PCBP2: variants seen among roughly 807,000 people sequenced by gnomAD.
PCBP2 encodes poly(rC)-binding protein 2.
PCBP2 carries 4 observed loss-of-function variants against 50.1 expected under a neutral mutation model. That is an observed-to-expected ratio of 0.08 (90% CI 0.04 to 0.18). The LOEUF (loss-of-function observed/expected upper bound fraction) is 0.18. Among genes scored for constraint, PCBP2 ranks in the 10% least tolerant of loss-of-function variants. The pLI is 1.00. For missense variants in PCBP2, 161 were observed against 474.3 expected, an observed-to-expected ratio of 0.34 and a Z score of 6.14; for synonymous variants, 179 against 168.0, an observed-to-expected ratio of 1.07 and a Z score of -0.51.
At position 53,452,131 on chromosome 12, in the gene PCBP2, A is replaced by G. The variant is rs1046169270; in HGVS notation, c.-321A>G. ...GACCAGCAGAGGCAGCAGCCGGAGC[A>G]GCCGCAGCCTGCGCCCTCTCCCGCC... On this transcript the variant is annotated 5_prime_UTR_variant, in exon 1 of 15. Coordinates refer to ENST00000546463, the MANE Select transcript of PCBP2 (RefSeq NM_031989.5). 4 of 140,860 alleles carry G rather than the reference A, an allele frequency of 2.8e-5. No individual in the cohort carries two copies. Among genetic ancestry groups the G allele is most frequent in the African/African-American group, 1.1e-4 (4 of 37,054 alleles). The allele number at this position is 140,860 out of a possible 1,614,324, so 8.7% of individuals were successfully genotyped here.
rs377615867 is a variant in PCBP2, at chr12:53,479,402, A to T, written c.1053-4A>T. The T allele has an allele frequency of 6.1e-5, 98 of 1,613,850 alleles. No individual in the cohort carries two copies. Among genetic ancestry groups the T allele is most frequent in the Non-Finnish European group, 7.3e-5 (86 of 1,179,818 alleles). On this transcript the variant is annotated splice_polypyrimidine_tract_variant and splice_region_variant and intron_variant, in intron 14 of 14. Transcript: ENST00000546463. ...CTAACTGAGTTCTTGTTTCTGTGTTACAGGCTTTCCTCGGAGACGGGTGGC... is the reference window on the plus strand; with the variant it reads ...CTAACTGAGTTCTTGTTTCTGTGTTTCAGGCTTTCCTCGGAGACGGGTGGC...
intron 10 of PCBP2, among the ~76,000 whole-genome samples, chr12:53,466,701 A>G (rs1405929086): frequency 6.6e-6 from 1 of 152,134 alleles, no homozygotes; most frequent in Non-Finnish European, 1.5e-5. Context: ...ATATAGATGA[A>G]TAAAAATAGC....
chr12:53,459,755 A>G (rs1300783567), intron 6 of PCBP2: 2 of 312,564 alleles, frequency 6.4e-6, no homozygotes, highest in Admixed American at 4.2e-5. Flanking sequence ...TTTAATTTTT[A>G]ACTTTTTTTC....
intron 7 of PCBP2, 105 bp downstream of exon 7, chr12:53,461,248 TC>T: frequency 7.7e-7 from 1 of 1,298,250 alleles, no homozygotes; most frequent in Non-Finnish European, 1.1e-6. Flanking sequence ...TGTTAAGGCT[TC>T]CAGTGGGGGT....
intron 6 of PCBP2, 77 bp from the exon 7 acceptor site, chr12:53,460,938 C>A: frequency 6.7e-7 from 1 of 1,499,860 alleles, no homozygotes; most frequent in Non-Finnish European, 9.2e-7. Context: ...GAGTTTTAGG[C>A]TCTGAAATTG....
At chr12:53,463,301 C>G (rs1941581361) in intron 8 of PCBP2, among the ~76,000 whole-genome samples, 1 of 152,122 alleles carries the variant, frequency 6.6e-6, no homozygotes, top group African/African-American at 2.4e-5. Context: ...ATGACAGAAG[C>G]ATTGAAGGAC....
At chr12:53,459,490 A>G (rs914308242) in intron 6 of PCBP2, 87 bp downstream of exon 6, 18 of 1,236,596 alleles carry the variant, frequency 1.5e-5, no homozygotes, top group East Asian at 2.5e-5. Flanking sequence ...TAGCAATGAG[A>G]TGAAGATTTT....
At chr12:53,466,667 A>G (rs773778546) in intron 10 of PCBP2, among the ~76,000 whole-genome samples, 3 of 152,188 alleles carry the variant, frequency 2.0e-5, no homozygotes, top group Non-Finnish European at 4.4e-5. Flanking sequence ...AAGAAGGATT[A>G]TTTTATGACA....
At position 53,454,970 on chromosome 12, in the gene PCBP2, C is replaced by T. The variant is rs758578333; in HGVS notation, c.69+101C>T. On this transcript the variant is annotated intron_variant, in intron 2 of 14. Coordinates refer to ENST00000546463, the MANE Select transcript of PCBP2 (RefSeq NM_031989.5). Reference sequence around the variant, plus strand: ...AGCTCATCAGATTAGCACTGTGGGGCATCTGGCTTTAGCACATTTCCCTAA... The same window carrying T: ...AGCTCATCAGATTAGCACTGTGGGGTATCTGGCTTTAGCACATTTCCCTAA... 128 of 986,526 alleles carry T rather than the reference C, an allele frequency of 1.3e-4. 1 individual carries two copies. Among genetic ancestry groups the T allele is most frequent in the Admixed American group, 8.4e-4 (46 of 55,000 alleles). 61.1% of individuals were successfully genotyped at this position (986,526 alleles called of 1,614,324 possible). A position where few individuals can be genotyped will look rare whatever the true frequency, so the allele number is the denominator to read the frequency against.
At chr12:53,456,929 T>A (rs1941062004) in intron 5 of PCBP2, among the ~76,000 whole-genome samples, 1 of 137,168 alleles carries the variant, frequency 7.3e-6, no homozygotes, top group South Asian at 2.5e-4. Context: ...TTTGCCAAGA[T>A]TAGAAATGTT....
rs61213286 is a variant in PCBP2, at chr12:53,477,665, C to CAAAAA, written c.1053-1716_1053-1712dup. Among the ~76,000 whole-genome samples the CAAAAA allele has an allele frequency of 1.0e-3, 53 of 52,872 alleles. 5 individuals carry two copies. The highest frequency in any genetic ancestry group is 1.7e-3 in the African/African-American group (19 of 11,460). The allele number at this position is 52,872 out of a possible 152,430, so 34.7% of individuals were successfully genotyped here. On this transcript the variant is annotated intron_variant, in intron 14 of 14. Transcript: ENST00000546463. ...TGGGTGACAAAGCAAGACTCTGTCT[C>CAAAAA]AAAAAAAAAAAAAAAAAAAAAAAAA... is the stretch of plus-strand genomic sequence containing the variant.
In PCBP2 at chr12:53,463,847, G is replaced by A. The variant is rs1941620913; in HGVS notation, c.580-913G>A. 2.0e-5 allele frequency among the ~76,000 whole-genome samples: 3 copies of A among 152,174 alleles called. No individual in the cohort carries two copies. In the South Asian group the frequency reaches 6.2e-4, roughly 31 times the overall value. On this transcript the variant is annotated intron_variant, in intron 8 of 14. Transcript: ENST00000546463. ...TCCATCTTACCTGCGTTTGATCTGG[G>A]AGCCATTTAGAGGGCAAGCATAAAC...
rs1179635775 is a variant in PCBP2 at position 53,471,805 on chromosome 12, C to T, written c.1050C>T (p.Val350=). The T allele has an allele frequency of 6.2e-7, 1 of 1,611,088 alleles. No homozygotes were observed. The highest frequency in any genetic ancestry group is 8.5e-7 in the Non-Finnish European group (1 of 1,179,102). The change falls in exon 14 of 15, where the codon GTC becomes GTT. Residue 350 remains valine, a splice_region_variant and synonymous_variant. Transcript: ENST00000546463. ...SISLAQYLIN[V]RLSSETGGMG... ...GCCTGGCTCAATATCTAATCAATGT[C>T]AGGTAAGATTGCTCTACCTTTTGTC...
intron 5 of PCBP2, among the ~76,000 whole-genome samples, chr12:53,458,453 G>A (rs1022229192): frequency 2.2e-4 from 34 of 151,182 alleles, no homozygotes; most frequent in Admixed American, 4.6e-4. Flanking sequence ...GACTACAGGC[G>A]CATGCCACCA....
At chr12:53,477,490 C>A (rs968516260) in intron 14 of PCBP2, among the ~76,000 whole-genome samples, 4 of 151,482 alleles carry the variant, frequency 2.6e-5, no homozygotes, top group African/African-American at 9.7e-5. Flanking sequence ...ACAGTGAAAC[C>A]CCGACTCTAC....
Position 53,455,498 on chromosome 12 carries a change from G to A in PCBP2, c.126+5G>A. 1 of 1,613,900 alleles carries A rather than the reference G, an allele frequency of 6.2e-7. No homozygotes were observed. Among genetic ancestry groups the A allele is most frequent in the Non-Finnish European group, 8.5e-7 (1 of 1,179,792 alleles). ...GTTAAGAAGATGCGCGAGGAGGTAA[G>A]TTATGAAAGACTGAGATTGTTAACT... On this transcript the variant is annotated splice_donor_5th_base_variant and intron_variant, in intron 4 of 14. Coordinates refer to ENST00000546463, the MANE Select transcript of PCBP2 (RefSeq NM_031989.5).
intron 7 of PCBP2, among the ~76,000 whole-genome samples, chr12:53,462,170 A>G (rs1001942178): frequency 2.6e-5 from 4 of 152,244 alleles, no homozygotes; most frequent in Admixed American, 1.3e-4. Context: ...GATACTAAAA[A>G]TTATCAACAA....
At chr12:53,459,471 A>G in intron 6 of PCBP2, 68 bp downstream of exon 6, 1 of 1,432,928 alleles carries the variant, frequency 7.0e-7, no homozygotes, top group Non-Finnish European at 9.6e-7. Flanking sequence ...TTGTATGGCT[A>G]GGAAAAGTTA....
At position 53,462,476 on chromosome 12, in the gene PCBP2, C is replaced by A; in HGVS notation, c.505-17C>A. On this transcript the variant is annotated splice_polypyrimidine_tract_variant and intron_variant, in intron 7 of 14. Transcript: ENST00000546463. ...CCTTATCTCTTTTTGTTTTTTTCCC[C>A]TCTGACTCTCTCCCAGTCCCCCCCG... 1 of 1,603,452 alleles carries A rather than the reference C, an allele frequency of 6.2e-7. No homozygotes were observed. Among genetic ancestry groups the A allele is most frequent in the East Asian group, 2.2e-5 (1 of 44,610 alleles).
Sources: gnomAD v4.1 joint callset for allele counts (sites outside exome capture counted in the v4.1 genomes callset) on GRCh38, gnomAD v4.1.1 for gene constraint, MANE v1.5 for transcripts, NCBI Gene and HGNC (gene_info 2026-07-23, HGNC 2026-07-21) for gene names.